The following SLIT1 variants were observed in gnomAD, a reference collection of about 807,000 sequenced individuals.
SLIT1 encodes slit guidance ligand 1.
Under a neutral mutation model 186.1 loss-of-function variants are expected in SLIT1, and 66 were observed. The ratio of observed to expected loss-of-function variants is 0.35; its 90% CI spans 0.29 to 0.44. The LOEUF (loss-of-function observed/expected upper bound fraction) is 0.44. Among genes scored for constraint, SLIT1 ranks in the 20% least tolerant of loss-of-function variants. The pLI, the probability that SLIT1 is intolerant of heterozygous loss-of-function variation, is 1.00. For missense variants in SLIT1, 1,638 were observed against 2,037.4 expected, an observed-to-expected ratio of 0.80 and a Z score of 3.77; for synonymous variants, 761 against 833.8, an observed-to-expected ratio of 0.91 and a Z score of 1.50.
intron 4 of SLIT1, among the ~76,000 whole-genome samples, chr10:97,071,826 A>G (rs1046476514): frequency 1.3e-5 from 2 of 152,238 alleles, no homozygotes; most frequent in African/African-American, 4.8e-5. Context: ...GGTGTTTATT[A>G]AAAATGACAG....
At chr10:97,047,882 C>T (rs772276898) in intron 15 of SLIT1, 48 bp from the exon 16 acceptor site, 6 of 1,613,312 alleles carry the variant, frequency 3.7e-6, no homozygotes, top group Non-Finnish European at 5.1e-6. Flanking sequence ...GGGGCCGGCT[C>T]CCAGCAGTTT....
intron 4 of SLIT1, among the ~76,000 whole-genome samples, chr10:97,118,853 G>A (rs758512781): frequency 1.3e-5 from 2 of 152,220 alleles, no homozygotes; most frequent in African/African-American, 2.4e-5. Flanking sequence ...CATATAAAAT[G>A]TTAGCCATGA....
chr10:97,158,172 A>T (rs1283897584), intron 3 of SLIT1, among the ~76,000 whole-genome samples: 1 of 152,108 alleles, frequency 6.6e-6, no homozygotes, highest in East Asian at 1.9e-4. Flanking sequence ...CATCATCATC[A>T]TCACTTCACA....
At chr10:97,137,082 G>T (rs576744571) in intron 4 of SLIT1, among the ~76,000 whole-genome samples, 1 of 152,306 alleles carries the variant, frequency 6.6e-6, no homozygotes, top group African/African-American at 2.4e-5. Context: ...GAAGCTGTTT[G>T]CAGATTTGAC....
At chr10:97,141,760 T>TTG (rs1564686535) in intron 4 of SLIT1, among the ~76,000 whole-genome samples, 8 of 149,482 alleles carry the variant, frequency 5.4e-5, no homozygotes, top group Admixed American at 4.6e-4. Context: ...TCGTATCGTA[T>TTG]CGTATTGTAT....
chr10:97,087,470 A>T (rs1849175126), intron 4 of SLIT1, among the ~76,000 whole-genome samples: 1 of 152,250 alleles, frequency 6.6e-6, no homozygotes, highest in South Asian at 2.1e-4. Context: ...CCTCCTGATA[A>T]TAACGATGGC....
At chr10:97,030,990 C>T (rs1223392504) in intron 24 of SLIT1, among the ~76,000 whole-genome samples, 162 bp from the exon 25 acceptor site, 1 of 152,194 alleles carries the variant, frequency 6.6e-6, no homozygotes, top group Admixed American at 6.5e-5. Flanking sequence ...CAGCTGGCCA[C>T]AGGGAAGAAA....
intron 4 of SLIT1, among the ~76,000 whole-genome samples, chr10:97,148,635 T>C (rs2134710801): frequency 6.6e-6 from 1 of 152,290 alleles, no homozygotes; most frequent in African/African-American, 2.4e-5. Context: ...TTAAATGCCT[T>C]AACTAGAAAA....
chr10:97,047,873 G>A, intron 15 of SLIT1, 39 bp from the exon 16 acceptor site: 1 of 1,613,140 alleles, frequency 6.2e-7, no homozygotes, highest in Non-Finnish European at 8.5e-7. Flanking sequence ...GAGGAGCCCG[G>A]GGCCGGCTCC....
At chr10:97,076,339 G>A (rs1334128224) in intron 4 of SLIT1, among the ~76,000 whole-genome samples, 1 of 152,160 alleles carries the variant, frequency 6.6e-6, no homozygotes, top group Non-Finnish European at 1.5e-5. Flanking sequence ...CCTGCTGCAG[G>A]ATGGCTTGGC....
intron 4 of SLIT1, among the ~76,000 whole-genome samples, chr10:97,150,485 C>T (rs928583864): frequency 4.6e-5 from 7 of 152,058 alleles, no homozygotes; most frequent in African/African-American, 1.2e-4. Context: ...CTCATATCCA[C>T]GCCTCTCCAA....
chr10:97,047,714 C>T lies in SLIT1; in HGVS notation c.1610G>A (p.Arg537His), dbSNP rs759543634. 13 of 1,613,754 alleles carry T rather than the reference C, an allele frequency of 8.1e-6. No homozygotes were observed. The highest frequency in any genetic ancestry group is 3.3e-5 in the Admixed American group (2 of 60,000). The change falls in exon 16 of 37, where the codon CGC becomes CAC. Residue 537 changes from arginine (R) to histidine (H), a missense_variant. Transcript: ENST00000266058. ...SSLKLTKIPE[R>H]IPQSTAELRL... ...CAGTTCTGCCGTGGACTGGGGGATGCGCTCAGGGATCTTGGTGAGCTTCAG... is the reference window on the plus strand; with the variant it reads ...CAGTTCTGCCGTGGACTGGGGGATGTGCTCAGGGATCTTGGTGAGCTTCAG...
At chr10:97,135,215 G>A (rs1447979418) in intron 4 of SLIT1, among the ~76,000 whole-genome samples, 2 of 152,178 alleles carry the variant, frequency 1.3e-5, no homozygotes, top group African/African-American at 2.4e-5. Flanking sequence ...GGAGCCAGTG[G>A]TGCATGCTCC....
intron 28 of SLIT1, among the ~76,000 whole-genome samples, chr10:97,015,715 TAC>T (rs1848449228): frequency 2.0e-5 from 3 of 152,340 alleles, no homozygotes; most frequent in South Asian, 4.1e-4. Context: ...AATTCTATAA[TAC>T]AGTTATGTTG....
At position 97,037,732 on chromosome 10, in the gene SLIT1, C is replaced by T. The variant is rs1234995303; in HGVS notation, c.2332G>A (p.Gly778Arg). Residue 778 changes from glycine (G) to arginine (R), a missense_variant, in exon 22 of 37, where the codon GGA becomes AGA. By Grantham distance (125) the Gly-to-Arg change is moderately radical. This residue lies in a region of SLIT1 where 1,245 missense variants were observed against 1,535.3 expected (regional missense o/e 0.81). Transcript: ENST00000266058. The part of the protein sequence containing the change: ...LDGNQFTLVP[G>R]QLSTFKYLQL... Reference sequence around the variant, plus strand: ...AGGTACTTGAAGGTAGACAGCTGTCCCGGAACCAGCGTGAACTGGTTCCCG... The same window carrying T: ...AGGTACTTGAAGGTAGACAGCTGTCTCGGAACCAGCGTGAACTGGTTCCCG... 2 of 1,609,840 alleles carry T rather than the reference C, an allele frequency of 1.2e-6. No individual in the cohort carries two copies. The highest frequency in any genetic ancestry group is 1.7e-6 in the Non-Finnish European group (2 of 1,176,708).
intron 28 of SLIT1, among the ~76,000 whole-genome samples, chr10:97,015,740 G>A (rs924185003): frequency 2.0e-5 from 3 of 152,326 alleles, no homozygotes; most frequent in African/African-American, 4.8e-5. Context: ...TCGAATTATT[G>A]TAGGGATAAC....
chr10:97,047,668 T>TG (rs763713845), intron 16 of SLIT1, 22 bp downstream of exon 16: 58 of 1,484,942 alleles, frequency 3.9e-5, no homozygotes, highest in Non-Finnish European at 4.2e-5. Context: ...AGGGGAGGGC[T>TG]GGGGGGGCCA....
At chr10:97,149,892 T>C (rs1189731923) in intron 4 of SLIT1, among the ~76,000 whole-genome samples, 1 of 152,198 alleles carries the variant, frequency 6.6e-6, no homozygotes, top group Non-Finnish European at 1.5e-5. Context: ...ATTCCACATC[T>C]GCCCTGGGAG....
At chr10:97,119,155 G>A (rs1418446617) in intron 4 of SLIT1, among the ~76,000 whole-genome samples, 3 of 152,138 alleles carry the variant, frequency 2.0e-5, no homozygotes, top group East Asian at 1.9e-4. Flanking sequence ...AGAATTCTCC[G>A]TCCTCACCAC....
Sources: gnomAD v4.1 joint callset for allele counts (sites outside exome capture counted in the v4.1 genomes callset) on GRCh38, gnomAD v4.1.1 for gene constraint, gnomAD v4.1.1 regional missense constraint, MANE v1.5 for transcripts, NCBI Gene and HGNC (gene_info 2026-07-23, HGNC 2026-07-21) for gene names.